The following MTUS2 variants were observed in gnomAD, a reference collection of about 807,000 sequenced individuals.
MTUS2 encodes microtubule-associated tumor suppressor candidate 2.
Under a neutral mutation model 114.1 loss-of-function variants are expected in MTUS2, and 40 were observed. That is an observed-to-expected ratio of 0.35 (90% confidence interval 0.27 to 0.46). MTUS2 has a LOEUF of 0.46. MTUS2 is among the 20% of genes least tolerant of loss of function. MTUS2 has a pLI of 1.00. For missense variants in MTUS2, 1,679 were observed against 1,705.4 expected (o/e 0.98, Z 0.27); for synonymous variants, 688 against 672.0 (o/e 1.02, Z -0.37).
intron 5 of MTUS2, among the ~76,000 whole-genome samples, chr13:29,180,145 TA>T (rs1893936640): frequency 6.6e-6 from 1 of 152,254 alleles, no homozygotes; most frequent in African/African-American, 2.4e-5. Context: ...AGGGGTTGAA[TA>T]ATTTATGCAT....
At chr13:28,975,755 C>T (rs558918581) in intron 2 of MTUS2, among the ~76,000 whole-genome samples, 1 of 152,300 alleles carries the variant, frequency 6.6e-6, no homozygotes, top group African/African-American at 2.4e-5. Context: ...GAAACTGAGG[C>T]ACAGGAACAT....
In MTUS2 at chr13:29,026,387, G is replaced by T; in HGVS notation, c.1689G>T (p.Met563Ile). ...TTCAGGATGTTAGCGTGTTCGGTAT[G>T]GATGCGGGGTCCCCCTTGGTAGTTC... ...SSFQDVSVFGMDAGSPLVVPP... is the reference protein window; with the variant it reads ...SSFQDVSVFGIDAGSPLVVPP... Residue 563 changes from methionine (M) to isoleucine (I), a missense_variant, in exon 3 of 16, where the codon ATG becomes ATT. Around this residue, in one of 3 missense-constraint regions of MTUS2, gnomAD observed 843 missense variants for 770.8 expected, o/e 1.09. Coordinates refer to ENST00000612955, the MANE Select transcript of MTUS2 (RefSeq NM_001033602.4). The T allele has an allele frequency of 6.2e-7, 1 of 1,613,906 alleles. No individual in the cohort carries two copies. The highest frequency in any genetic ancestry group is 8.5e-7 in the Non-Finnish European group (1 of 1,179,848).
chr13:29,382,023 G>A (rs1277672911), intron 8 of MTUS2, among the ~76,000 whole-genome samples: 5 of 152,158 alleles, frequency 3.3e-5, no homozygotes, highest in Admixed American at 6.5e-5. Flanking sequence ...AGCAGAACAC[G>A]CATGCTCTAT....
intron 5 of MTUS2, among the ~76,000 whole-genome samples, chr13:29,255,543 A>G (rs1897260927): frequency 6.6e-6 from 1 of 152,232 alleles, no homozygotes; most frequent in East Asian, 1.9e-4. Flanking sequence ...ACTGTAAGAA[A>G]CATACATAAG....
intron 5 of MTUS2, among the ~76,000 whole-genome samples, chr13:29,200,079 TTTC>T (rs1894877670): frequency 6.6e-6 from 1 of 152,018 alleles, no homozygotes; most frequent in Non-Finnish European, 1.5e-5. Context: ...TCTTCTCTCT[TTTC>T]TTCTTTATTA....
chr13:29,015,755 T>C (rs530178211), intron 2 of MTUS2, among the ~76,000 whole-genome samples: 2 of 152,296 alleles, frequency 1.3e-5, no homozygotes, highest in East Asian at 3.9e-4. Context: ...GATGAAGTAT[T>C]TATTATATTA....
chr13:29,280,111 T>C (rs1226775973), intron 5 of MTUS2, among the ~76,000 whole-genome samples: 4 of 152,236 alleles, frequency 2.6e-5, no homozygotes, highest in African/African-American at 9.6e-5. Context: ...GTTCTAGCAC[T>C]GGACTGGTGC....
chr13:28,923,015 C>G (rs1477623531), intron 2 of MTUS2, among the ~76,000 whole-genome samples: 1 of 152,096 alleles, frequency 6.6e-6, no homozygotes, highest in African/African-American at 2.4e-5. Context: ...CACAGGTGCT[C>G]TGTTCCTTTT....
chr13:29,460,818 T>C (rs1339167852), intron 9 of MTUS2, among the ~76,000 whole-genome samples: 1 of 152,092 alleles, frequency 6.6e-6, no homozygotes, highest in Non-Finnish European at 1.5e-5. Context: ...AGACTGATTT[T>C]TTTCTTACTA....
At chr13:29,066,692 C>G (rs1179880402) in intron 4 of MTUS2, among the ~76,000 whole-genome samples, 1 of 152,174 alleles carries the variant, frequency 6.6e-6, no homozygotes, top group Non-Finnish European at 1.5e-5. Flanking sequence ...TTCTGAGGAC[C>G]TATTATGGGC....
chr13:29,025,464 C>T lies in MTUS2; in HGVS notation c.766C>T (p.Pro256Ser). 1 of 1,613,252 alleles carries T rather than the reference C, an allele frequency of 6.2e-7. No individual in the cohort carries two copies. The highest frequency in any genetic ancestry group is 1.1e-5 in the South Asian group (1 of 90,908). Residue 256 changes from proline (P) to serine (S), a missense_variant, in exon 3 of 16, where the codon CCC becomes TCC. This residue lies in a region of MTUS2 where 843 missense variants were observed against 770.8 expected (regional missense o/e 1.09). Coordinates refer to ENST00000612955, the MANE Select transcript of MTUS2 (RefSeq NM_001033602.4). ...TACCTCAGAAAGCAAGCAGAGCACTCCCTCAGAGACCCAAACAGTGGGGGC... is the reference window on the plus strand; with the variant it reads ...TACCTCAGAAAGCAAGCAGAGCACTTCCTCAGAGACCCAAACAGTGGGGGC... ...PSTSESKQST[P>S]SETQTVGAHV... is the part of the protein sequence containing the mutation.
At chr13:29,340,064 G>T (rs11147379) in intron 7 of MTUS2, among the ~76,000 whole-genome samples, 1 of 152,122 alleles carries the variant, frequency 6.6e-6, no homozygotes, top group Non-Finnish European at 1.5e-5. Context: ...GCCAGAAAGC[G>T]CGCAAAGCAT....
chr13:29,118,133 G>A (rs1007126832), intron 5 of MTUS2, among the ~76,000 whole-genome samples: 3 of 152,042 alleles, frequency 2.0e-5, no homozygotes, highest in Non-Finnish European at 4.4e-5. Context: ...GGAAATGTAC[G>A]TTGCCTTGAG....
chr13:28,925,680 G>A (rs1881286741), intron 2 of MTUS2, among the ~76,000 whole-genome samples: 1 of 152,074 alleles, frequency 6.6e-6, no homozygotes, highest in Non-Finnish European at 1.5e-5. Flanking sequence ...TTTGGGCCGT[G>A]GGCAAGTTAA....
At chr13:29,158,358 C>CCCCCCCCCTCT in intron 5 of MTUS2, among the ~76,000 whole-genome samples, 8 of 32,052 alleles carry the variant, frequency 2.5e-4, no homozygotes, top group African/African-American at 1.0e-3. Flanking sequence ...GTCCACCCCG[C>CCCCCCCCCTCT]TTTTTTTTTT....
chr13:29,025,849 T>C lies in MTUS2; in HGVS notation c.1151T>C (p.Val384Ala), dbSNP rs1325520011. 5 of 1,613,248 alleles carry C rather than the reference T, an allele frequency of 3.1e-6. No homozygotes were observed. In the East Asian group the frequency reaches 8.9e-5, roughly 29 times the overall value. The change falls in exon 3 of 16, where the codon GTC becomes GCC. Residue 384 changes from valine (V) to alanine (A), a missense_variant. This residue lies in a region of MTUS2 where 843 missense variants were observed against 770.8 expected (regional missense o/e 1.09). Coordinates refer to ENST00000612955, the MANE Select transcript of MTUS2 (RefSeq NM_001033602.4). ...GRGNCEEKRG[V>A]NPGEQDSLHT... ...GGCAACTGTGAAGAGAAGAGAGGAG[T>C]CAACCCAGGGGAGCAGGATTCTCTC...
At chr13:29,414,468 TAAAAAAAAAA>T (rs67181675) in intron 8 of MTUS2, among the ~76,000 whole-genome samples, 1 of 126,806 alleles carries the variant, frequency 7.9e-6, no homozygotes, top group Non-Finnish European at 1.6e-5. Flanking sequence ...AAAAAAAAAT[TAAAAAAAAAA>T]AAAAAAAAAG....
chr13:29,169,333 G>C (rs187809318), intron 5 of MTUS2, among the ~76,000 whole-genome samples: 1 of 152,140 alleles, frequency 6.6e-6, no homozygotes, highest in African/African-American at 2.4e-5. Context: ...TTATGCGTAG[G>C]TAAGACAGCT....
At chr13:29,196,037 C>G (rs1421733524) in intron 5 of MTUS2, among the ~76,000 whole-genome samples, 1 of 151,706 alleles carries the variant, frequency 6.6e-6, no homozygotes. Context: ...GGTGCAAGCC[C>G]AGAATCACAG....
Sources: gnomAD v4.1 joint callset for allele counts (sites outside exome capture counted in the v4.1 genomes callset) on GRCh38, gnomAD v4.1.1 for gene constraint, gnomAD v4.1.1 regional missense constraint, MANE v1.5 for transcripts, NCBI Gene and HGNC (gene_info 2026-07-23, HGNC 2026-07-21) for gene names.